The following KCNK16 variants were observed in gnomAD, a reference collection of about 807,000 sequenced individuals.
The protein encoded by KCNK16 is potassium channel subfamily K member 16.
A neutral mutation model predicts 23.0 loss-of-function variants in KCNK16; 23 were observed. That is an observed-to-expected ratio of 1.00 (90% CI 0.72 to 1.41). KCNK16 has a LOEUF of 1.41. KCNK16 is among the 40% of genes most tolerant of loss of function. KCNK16 has a pLI of 0.00. For missense variants in KCNK16, 327 were observed against 365.8 expected (o/e 0.89, Z 0.87); for synonymous variants, 145 against 153.5 (o/e 0.94, Z 0.41).
chr6:39,322,754 C>T (rs571103235), upstream of KCNK16: 1 of 635,478 alleles, frequency 1.6e-6, no homozygotes, highest in East Asian at 2.8e-5. Flanking sequence ...ACAGGCCGGC[C>T]ACCCCCACCC....
chr6:39,322,588 A>G lies in KCNK16; in HGVS notation c.-48T>C. ...GGCCGTGGGGCTGGCTATGGGGGAG[A>G]GGTGGGAAACAGGTGAGGAGTAAGC... On this transcript the variant is annotated 5_prime_UTR_variant, in exon 1 of 5. Coordinates refer to ENST00000437525, the MANE Select transcript of KCNK16 (RefSeq NM_001135106.2). The G allele has an allele frequency of 6.5e-7, 1 of 1,534,276 alleles. No individual in the cohort carries two copies. The highest frequency in any genetic ancestry group is 8.7e-7 in the Non-Finnish European group (1 of 1,144,334).
At chr6:39,314,706 A>G, downstream of KCNK16, 1 of 444,926 alleles carries the variant, frequency 2.2e-6, no homozygotes, top group Non-Finnish European at 4.0e-6. Flanking sequence ...GGTAGGAGAT[A>G]GTAGAGACCA....
chr6:39,315,272 A>T, downstream of KCNK16: 2 of 1,586,868 alleles, frequency 1.3e-6, no homozygotes, highest in Non-Finnish European at 1.7e-6. Flanking sequence ...GGGAAAGGCC[A>T]GACCTGGAGA....
Position 39,316,454 on chromosome 6 carries a change from G to A in KCNK16, c.662-12C>T, listed in dbSNP as rs368604127. 4.5e-5 allele frequency: 72 copies of A among 1,589,624 alleles called. No individual in the cohort carries two copies. In the African/African-American group the frequency reaches 8.6e-4, roughly 19 times the overall value. On this transcript the variant is annotated splice_polypyrimidine_tract_variant and intron_variant, in intron 4 of 4. Transcript: ENST00000437525. ...GCTGGGGTCTGTGCCTGCCAGGGAA[G>A]GGAATGGCATCAATGCCAGGGGTCT...
At chr6:39,315,477 C>A (rs1471532027), downstream of KCNK16, 1 of 1,482,412 alleles carries the variant, frequency 6.7e-7, no homozygotes, top group Non-Finnish European at 9.1e-7. Flanking sequence ...GGGTAGGACA[C>A]CCAAGAGGTC....
Position 39,322,403 on chromosome 6 carries a change from C to G in KCNK16, c.138G>C (p.Gln46His), listed in dbSNP as rs1159736323. The G allele has an allele frequency of 6.2e-7, 1 of 1,614,106 alleles. No individual in the cohort carries two copies. The highest frequency in any genetic ancestry group is 1.7e-5 in the Admixed American group (1 of 60,038). The change falls in exon 1 of 5, where the codon CAG becomes CAC. Residue 46 changes from glutamine (Q) to histidine (H), a missense_variant. Physicochemically the swap from Gln to His is conservative, Grantham distance 24. Transcript: ENST00000437525. ...ERQAEAQSRD[Q>H]FQLEKLRFLE... ...GGAAGCGCAGCTTCTCCAACTGAAA[C>G]TGGTCCCTGGACTGAGCCTCCGCCT... is the stretch of plus-strand genomic sequence containing the variant.
chr6:39,315,793 C>G (rs147963089), downstream of KCNK16, among the ~76,000 whole-genome samples: 80 of 152,296 alleles, frequency 5.3e-4, no homozygotes, highest in Non-Finnish European at 6.6e-4. Flanking sequence ...ACTGCTGTAT[C>G]CCCAGACCCT....
At position 39,322,340 on chromosome 6, in the gene KCNK16, C is replaced by A. The variant is rs1478628908; in HGVS notation, c.201G>T (p.Glu67Asp). Residue 67 changes from glutamate to aspartate, a missense_variant, in exon 1 of 5, where the codon GAG becomes GAT. Transcript: ENST00000437525. ...CGCTCCCCTTCACCTGCACAAACTGCTCCATGGCCCACTGGTCCAGGCAGG... is the reference window on the plus strand; with the variant it reads ...CGCTCCCCTTCACCTGCACAAACTGATCCATGGCCCACTGGTCCAGGCAGG... ...NYTCLDQWAM[E>D]QFVQVIMEAW... 6.2e-7 allele frequency: 1 copy of A among 1,613,426 alleles called. No individual in the cohort carries two copies. The highest frequency in any genetic ancestry group is 1.1e-5 in the South Asian group (1 of 91,070).
At chr6:39,322,906 CACT>C, upstream of KCNK16, 1 of 239,808 alleles carries the variant, frequency 4.2e-6, no homozygotes. Flanking sequence ...TAGGTGTGCT[CACT>C]CTGTCCAGGC....
intron 1 of KCNK16, among the ~76,000 whole-genome samples, chr6:39,321,365 C>T (rs1174913197): frequency 6.6e-6 from 1 of 152,180 alleles, no homozygotes; most frequent in Non-Finnish European, 1.5e-5. Flanking sequence ...GCTGTGCAGC[C>T]TTGGTCAACA....
At chr6:39,317,100 T>C (rs1762347108) in intron 3 of KCNK16, among the ~76,000 whole-genome samples, 153 bp from the exon 4 acceptor site, 1 of 152,194 alleles carries the variant, frequency 6.6e-6, no homozygotes, top group South Asian at 2.1e-4. Flanking sequence ...GTTGTATCTA[T>C]GTGTGCATGA....
chr6:39,315,028 T>C, downstream of KCNK16: 1 of 1,608,546 alleles, frequency 6.2e-7, no homozygotes, highest in Non-Finnish European at 8.5e-7. Context: ...TTCTTGGATA[T>C]GGGGAAGTCC....
intron 3 of KCNK16, 69 bp from the exon 4 acceptor site, chr6:39,317,016 T>G (rs1762345022): frequency 1.3e-6 from 2 of 1,498,246 alleles, no homozygotes; most frequent in Non-Finnish European, 1.8e-6. Context: ...TTGGGGGGAG[T>G]CTGGGGTAAA....
At position 39,322,511 on chromosome 6, in the gene KCNK16, C is replaced by A; in HGVS notation, c.30G>T (p.Trp10Cys). The A allele has an allele frequency of 6.2e-7, 1 of 1,608,996 alleles. No individual in the cohort carries two copies. The change falls in exon 1 of 5, where the codon TGG (tryptophan) becomes TGT (cysteine). Residue 10 changes from tryptophan (W) to cysteine (C), a missense_variant. Transcript: ENST00000437525. ...GCAGCAGGGGCAGCACCCGGCCACC[C>A]CAGCAGCTGCAGAGCCCAGCACTGG... Reference protein sequence around the residue: MPSAGLCSCWGGRVLPLLLA... With the variant: MPSAGLCSCCGGRVLPLLLA...
At chr6:39,315,126 A>G, downstream of KCNK16, 3 of 1,614,214 alleles carry the variant, frequency 1.9e-6, no homozygotes, top group South Asian at 2.2e-5. Flanking sequence ...GCCTTGCCTC[A>G]GACCTGTGCA....
At chr6:39,318,926 G>A (rs1355246565) in intron 2 of KCNK16, 93 bp downstream of exon 2, 11 of 871,062 alleles carry the variant, frequency 1.3e-5, no homozygotes, top group Non-Finnish European at 2.1e-5. Context: ...TAATCTCCTA[G>A]ACAAACCACA....
At chr6:39,314,891 G>C, downstream of KCNK16, 1 of 1,091,658 alleles carries the variant, frequency 9.2e-7, no homozygotes, top group South Asian at 1.6e-5. Flanking sequence ...TGGGAGGTAA[G>C]AGGAGCCTTA....
Position 39,316,369 on chromosome 6 carries a change from C to T in KCNK16, c.735G>A (p.Ala245=), listed in dbSNP as rs142567800. 3.2e-5 allele frequency: 52 copies of T among 1,612,846 alleles called. No homozygotes were observed. In the African/African-American group the frequency reaches 3.7e-4, roughly 12 times the overall value. ...LAAIWILLGL[A]WLALILPLGP... is the part of the protein sequence containing the mutation. ...CCAGTGGGAGGATCAGCGCCAGCCA[C>T]GCCAGGCCCAGGAGGATCCAGATGG... The change falls in exon 5 of 5, where the codon GCG becomes GCA. Residue 245 remains alanine, a synonymous_variant. Coordinates refer to ENST00000437525, the MANE Select transcript of KCNK16 (RefSeq NM_001135106.2).
In KCNK16 at chr6:39,319,641, G is replaced by A. The variant is rs1160046475; in HGVS notation, c.214-508C>T. Among the ~76,000 whole-genome samples the A allele has an allele frequency of 6.6e-6, 1 of 152,146 alleles. No individual in the cohort carries two copies. Among genetic ancestry groups the A allele is most frequent in the Non-Finnish European group, 1.5e-5 (1 of 68,022 alleles). On this transcript the variant is annotated intron_variant, in intron 1 of 4. Transcript: ENST00000437525. This position sits in a 1 kb window ranked among gnomAD's most constrained non-coding sequence, Gnocchi z 4.2. ...AAAGAGAGCCCTGTGTTCCCTAAGT[G>A]TCCAGGCGAGTGGGCACCCTTGCTC...
Sources: allele counts gnomAD v4.1 joint callset (sites outside exome capture counted in the v4.1 genomes callset), GRCh38; gene constraint gnomAD v4.1.1; non-coding constraint Gnocchi (gnomAD v3.1); transcripts MANE v1.5; gene names NCBI Gene and HGNC (gene_info 2026-07-23, HGNC 2026-07-21).